CNTNAP3B: variants seen among roughly 807,000 people sequenced by gnomAD.
CNTNAP3B encodes contactin-associated protein-like 3B.
Under a neutral mutation model 108.9 loss-of-function variants are expected in CNTNAP3B, and 25 were observed. The observed-to-expected ratio is 0.23, with a 90% CI of 0.17 to 0.32. The LOEUF (loss-of-function observed/expected upper bound fraction) is 0.32. Among genes scored for constraint, CNTNAP3B ranks in the 10% least tolerant of loss-of-function variants. The pLI is 1.00. For missense variants in CNTNAP3B, 252 were observed against 1,210.4 expected, an observed-to-expected ratio of 0.21 and a Z score of 11.75; for synonymous variants, 103 against 473.4, an observed-to-expected ratio of 0.22 and a Z score of 10.16.
chr9:41,927,428 GAAAA>G (rs1209284337), intron 15 of CNTNAP3B, among the ~76,000 whole-genome samples: 2 of 147,552 alleles, frequency 1.4e-5, no homozygotes, highest in Non-Finnish European at 3.0e-5. Context: ...GAAAAAGAAA[GAAAA>G]GAAAGAGAGA....
intron 3 of CNTNAP3B, among the ~76,000 whole-genome samples, chr9:42,042,510 C>A (rs1213715679): frequency 2.1e-5 from 3 of 139,572 alleles, no homozygotes; most frequent in Non-Finnish European, 3.1e-5. Context: ...ATGGCTGTGA[C>A]TTTGTTGAAC....
chr9:42,030,799 GA>G (rs1190434022), intron 3 of CNTNAP3B, among the ~76,000 whole-genome samples: 2 of 95,068 alleles, frequency 2.1e-5, no homozygotes, highest in African/African-American at 9.3e-5. Context: ...GTGCGAGAGA[GA>G]GAGAGAGAGA....
chr9:41,922,496 C>T (rs1823696958), intron 17 of CNTNAP3B, among the ~76,000 whole-genome samples, 181 bp downstream of exon 17: 1 of 142,482 alleles, frequency 7.0e-6, no homozygotes. Flanking sequence ...AACAAACAAA[C>T]AAAAGAAATG....
At position 41,953,374 on chromosome 9, in the gene CNTNAP3B, C is replaced by G. The variant is rs565020244; in HGVS notation, c.1889G>C (p.Trp630Ser). The change falls in exon 13 of 24, where the codon TGG becomes TCG. Residue 630 changes from tryptophan (W) to serine (S), a missense_variant. Trp to Ser is a radical substitution (Grantham distance 177). Transcript: ENST00000377561. ...GGGGCCACCGTGCCGCACCACCGTCCACGCGGAGTCTGCTGAGCAGAAACG... is the reference window on the plus strand; with the variant it reads ...GGGGCCACCGTGCCGCACCACCGTCGACGCGGAGTCTGCTGAGCAGAAACG... ...VYCNMTADSAWTVVRHGGPDA... is the reference protein window; with the variant it reads ...VYCNMTADSASTVVRHGGPDA... 1.3e-6 allele frequency: 2 copies of G among 1,549,546 alleles called. No individual in the cohort carries two copies. The highest frequency in any genetic ancestry group is 2.4e-5 in the South Asian group (2 of 84,802).
chr9:41,953,276 C>T lies in CNTNAP3B; in HGVS notation c.1987G>A (p.Ala663Thr), dbSNP rs770375183. 5.9e-5 allele frequency: 90 copies of T among 1,527,826 alleles called. No individual in the cohort carries two copies. In the African/African-American group the frequency reaches 7.2e-4, roughly 12 times the overall value. The allele number at this position is 1,527,826 out of a possible 1,614,324, so 94.6% of individuals were successfully genotyped here. Residue 663 changes from alanine to threonine, a missense_variant, in exon 13 of 24, where the codon GCG becomes ACG. Transcript: ENST00000377561. ...SAVSFAYAAG[A>T]GQLRAAVNLA... ...TTCACCGCGGCCCGCAGCTGCCCCG[C>T]GCCCGCTGCGTACGCGAAGGACACA...
At chr9:42,112,535 C>A (rs1264511196) in intron 1 of CNTNAP3B, among the ~76,000 whole-genome samples, 4 of 138,624 alleles carry the variant, frequency 2.9e-5, no homozygotes, top group African/African-American at 1.2e-4. Context: ...ACATGACAGA[C>A]AATTCCTAGA....
chr9:42,058,201 C>T (rs1332399800), intron 3 of CNTNAP3B, among the ~76,000 whole-genome samples: 3 of 151,236 alleles, frequency 2.0e-5, no homozygotes, highest in Non-Finnish European at 4.4e-5. Context: ...AAAAGACATA[C>T]TGATTTAATT....
In CNTNAP3B at chr9:42,100,042, C is replaced by T. The variant is rs554960175; in HGVS notation, c.196+4587G>A. Among the ~76,000 whole-genome samples, 11 of 48,400 alleles carry T rather than the reference C, an allele frequency of 2.3e-4. 2 individuals carry two copies. The South Asian group carries it at 8.1e-3, about 36-fold the overall frequency. The allele number at this position is 48,400 out of a possible 152,430, so 31.8% of individuals were successfully genotyped here. On this transcript the variant is annotated intron_variant, in intron 2 of 23. Coordinates refer to ENST00000377561, the MANE Select transcript of CNTNAP3B (RefSeq NM_001201380.3). ...TAATAAGACAGTGACCATCTATGGA[C>T]CTTGGACACAATACTAGAGAGCATG... is the stretch of plus-strand genomic sequence containing the variant.
At chr9:41,916,849 C>T (rs1242395592) in intron 18 of CNTNAP3B, among the ~76,000 whole-genome samples, 1 of 149,284 alleles carries the variant, frequency 6.7e-6, no homozygotes, top group Admixed American at 6.7e-5. Context: ...GGTTTTCTTT[C>T]ATCTCTTTGA....
chr9:41,958,078 C>T (rs1209239837), intron 12 of CNTNAP3B, among the ~76,000 whole-genome samples: 54 of 152,356 alleles, frequency 3.5e-4, no homozygotes, highest in Middle Eastern at 3.4e-3. Context: ...TGCTCTGTCT[C>T]TTCAAAGTGT....
intron 2 of CNTNAP3B, among the ~76,000 whole-genome samples, chr9:42,095,288 G>A (rs1347342111): frequency 7.3e-6 from 1 of 137,232 alleles, no homozygotes; most frequent in Non-Finnish European, 1.6e-5. Flanking sequence ...CTCTGTGCCT[G>A]GTTTATTTCA....
intron 9 of CNTNAP3B, among the ~76,000 whole-genome samples, chr9:41,971,052 A>G (rs1307349497): frequency 6.7e-6 from 1 of 148,838 alleles, no homozygotes; most frequent in African/African-American, 2.5e-5. Flanking sequence ...TACAATCGTC[A>G]GCTAATTTCA....
chr9:42,064,832 C>A (rs963354965), intron 3 of CNTNAP3B, among the ~76,000 whole-genome samples: 1 of 144,286 alleles, frequency 6.9e-6, no homozygotes, highest in Non-Finnish European at 1.5e-5. Context: ...TATATATACA[C>A]CATATTTTCT....
At chr9:41,962,732 G>C (rs1452980929) in intron 11 of CNTNAP3B, among the ~76,000 whole-genome samples, 1 of 150,970 alleles carries the variant, frequency 6.6e-6, no homozygotes, top group Non-Finnish European at 1.5e-5. Context: ...AAGGCAGGTG[G>C]ATCACAAGGT....
In CNTNAP3B at chr9:42,097,201, G is replaced by A. The variant is rs1189485676; in HGVS notation, c.196+7428C>T. Among the ~76,000 whole-genome samples, 39 of 140,094 alleles carry A rather than the reference G, an allele frequency of 2.8e-4. 8 individuals are homozygous for A. Among genetic ancestry groups the A allele is most frequent in the Middle Eastern group, 3.5e-3 (1 of 286 alleles). The allele number at this position is 140,094 out of a possible 152,430, so 91.9% of individuals were successfully genotyped here. A position where few individuals can be genotyped will look rare whatever the true frequency, so the allele number is the denominator to read the frequency against. ...TTCCAGAAAATATTAGATTATCCCCGTTTTGTTTGAAAACTGACGGAAAAT... is the reference window on the plus strand; with the variant it reads ...TTCCAGAAAATATTAGATTATCCCCATTTTGTTTGAAAACTGACGGAAAAT... On this transcript the variant is annotated intron_variant, in intron 2 of 23. Transcript: ENST00000377561.
chr9:42,110,966 T>C lies in CNTNAP3B; in HGVS notation c.86-6227A>G, dbSNP rs1361006102. On this transcript the variant is annotated intron_variant, in intron 1 of 23. Coordinates refer to ENST00000377561, the MANE Select transcript of CNTNAP3B (RefSeq NM_001201380.3). The stretch of plus-strand genomic sequence containing the variant: ...ATGGTCAATGTAAAAATCTACTGTT[T>C]TCCATATAAAAACTTCTGTTTTACA... 1.4e-5 allele frequency among the ~76,000 whole-genome samples: 2 copies of C among 139,916 alleles called. 1 individual carries two copies. The highest frequency in any genetic ancestry group is 5.7e-5 in the African/African-American group (2 of 35,356). 91.8% of individuals were successfully genotyped at this position (139,916 alleles called of 152,430 possible). A position where few individuals can be genotyped will look rare whatever the true frequency, so the allele number is the denominator to read the frequency against.
chr9:41,953,515 A>G, intron 12 of CNTNAP3B, 129 bp from the exon 13 acceptor site: 1 of 996,286 alleles, frequency 1.0e-6, no homozygotes, highest in East Asian at 2.7e-5. Context: ...CCGCGATTTG[A>G]GGAGTTGGAC....
intron 13 of CNTNAP3B, among the ~76,000 whole-genome samples, chr9:41,939,264 C>A (rs1246171214): frequency 3.3e-5 from 5 of 152,300 alleles, no homozygotes; most frequent in Non-Finnish European, 5.9e-5. Flanking sequence ...GCAGTCATCA[C>A]AGATTAGGCC....
At chr9:41,934,186 C>CATAT (rs1159447535) in intron 14 of CNTNAP3B, among the ~76,000 whole-genome samples, 405 of 131,910 alleles carry the variant, frequency 3.1e-3, no homozygotes, top group African/African-American at 5.6e-3. Context: ...TACACACACA[C>CATAT]ACATATATAT....
Sources: allele counts gnomAD v4.1 joint callset (sites outside exome capture counted in the v4.1 genomes callset), GRCh38; gene constraint gnomAD v4.1.1; transcripts MANE v1.5; gene names NCBI Gene and HGNC (gene_info 2026-07-23, HGNC 2026-07-21).